The following NR3C2 variants were observed in gnomAD, a reference collection of about 807,000 sequenced individuals.
NR3C2 encodes mineralocorticoid receptor.
In NR3C2, 15 loss-of-function variants were observed where a neutral mutation model predicts 86.4. The observed-to-expected ratio is 0.17, with a 90% confidence interval of 0.12 to 0.27. The LOEUF (loss-of-function observed/expected upper bound fraction) is 0.27. Among genes scored for constraint, NR3C2 ranks in the 10% least tolerant of loss-of-function variants. The pLI is 1.00. For missense variants in NR3C2, 960 were observed against 1,195.6 expected, an observed-to-expected ratio of 0.80 and a Z score of 2.91; for synonymous variants, 458 against 450.5, an observed-to-expected ratio of 1.02 and a Z score of -0.21.
At chr4:148,268,510 C>T (rs941193599) in intron 2 of NR3C2, among the ~76,000 whole-genome samples, 4 of 152,064 alleles carry the variant, frequency 2.6e-5, no homozygotes, top group Non-Finnish European at 5.9e-5. Flanking sequence ...TGAGAAAGTT[C>T]GAGGAGATAA....
intron 2 of NR3C2, among the ~76,000 whole-genome samples, chr4:148,328,747 G>T (rs1169927587): frequency 1.3e-5 from 2 of 152,152 alleles, no homozygotes; most frequent in Non-Finnish European, 2.9e-5. Context: ...ATTAATAACA[G>T]GTTAAGTACC....
At chr4:148,384,008 C>T (rs1747138373) in intron 2 of NR3C2, among the ~76,000 whole-genome samples, 2 of 147,892 alleles carry the variant, frequency 1.4e-5, no homozygotes, top group South Asian at 4.3e-4. Flanking sequence ...TAAGGAACTA[C>T]ACATTTAGTA....
chr4:148,140,018 G>A (rs980303877), intron 6 of NR3C2, among the ~76,000 whole-genome samples: 11 of 152,204 alleles, frequency 7.2e-5, no homozygotes, highest in African/African-American at 2.4e-4. Flanking sequence ...ATTCAAGTGT[G>A]TTTCCCTTCT....
chr4:148,129,258 G>A (rs1206459027), intron 6 of NR3C2, among the ~76,000 whole-genome samples: 2 of 152,146 alleles, frequency 1.3e-5, no homozygotes, highest in African/African-American at 4.8e-5. Context: ...AATGGAATAC[G>A]CCTGTCAGAA....
intron 8 of NR3C2, among the ~76,000 whole-genome samples, chr4:148,098,643 G>A (rs1352537210): frequency 6.6e-6 from 1 of 152,180 alleles, no homozygotes; most frequent in Non-Finnish European, 1.5e-5. Flanking sequence ...AAAGTGCCCT[G>A]AGCATTGATT....
intron 8 of NR3C2, among the ~76,000 whole-genome samples, chr4:148,111,086 T>C (rs755011570): frequency 1.3e-5 from 2 of 152,256 alleles, no homozygotes; most frequent in Non-Finnish European, 2.9e-5. Context: ...TACAGTCATA[T>C]ATCTGGATTT....
chr4:148,270,929 C>A (rs1161021966), intron 2 of NR3C2, among the ~76,000 whole-genome samples: 1 of 152,104 alleles, frequency 6.6e-6, no homozygotes, highest in Non-Finnish European at 1.5e-5. Flanking sequence ...TCAGGAATTC[C>A]TTATGGTTCA....
chr4:148,406,917 C>T (rs773401161), intron 2 of NR3C2, among the ~76,000 whole-genome samples: 3 of 152,052 alleles, frequency 2.0e-5, no homozygotes, highest in Admixed American at 6.6e-5. Context: ...ATTTAAGCTG[C>T]GTAATTATTG....
At chr4:148,134,643 C>CTTTTTT (rs1175816621) in intron 6 of NR3C2, among the ~76,000 whole-genome samples, 13 of 40,780 alleles carry the variant, frequency 3.2e-4, no homozygotes, top group African/African-American at 9.4e-4. Context: ...CTCTCTCTCT[C>CTTTTTT]TTTTTTTTTT....
chr4:148,435,151 T>A lies in NR3C2; in HGVS notation c.1710A>T (p.Arg570Ser), dbSNP rs1350682715. ...WKSHGDLSSR[R>S]SDGYPVLEYI... ...ATTCTAAGACCGGATACCCATCACT[T>A]CTTCTAGACGACAGGTCGCCGTGTG... is the stretch of plus-strand genomic sequence containing the variant. The change falls in exon 2 of 9, where the codon AGA becomes AGT. Residue 570 changes from arginine (R) to serine (S), a missense_variant. Around this residue, in one of 4 missense-constraint regions of NR3C2, gnomAD observed 680 missense variants for 719.0 expected, o/e 0.95. Coordinates refer to ENST00000358102, the MANE Select transcript of NR3C2 (RefSeq NM_000901.5). 5 of 1,614,172 alleles carry A rather than the reference T, an allele frequency of 3.1e-6. No individual in the cohort carries two copies. The Admixed American group carries it at 5.0e-5, about 16-fold the overall frequency.
upstream of NR3C2, chr4:148,444,431 C>G (rs1396588920): frequency 8.1e-6 from 8 of 986,406 alleles, no homozygotes; most frequent in Admixed American, 1.8e-4. Flanking sequence ...CGCCCTCTGC[C>G]CTGGGCGCGC....
At chr4:148,385,244 C>G (rs1747203377) in intron 2 of NR3C2, among the ~76,000 whole-genome samples, 2 of 152,176 alleles carry the variant, frequency 1.3e-5, no homozygotes, top group Admixed American at 1.3e-4. Flanking sequence ...TAGGAAGAAA[C>G]TCTATGCATC....
At chr4:148,314,166 T>C (rs1444022459) in intron 2 of NR3C2, among the ~76,000 whole-genome samples, 1 of 152,092 alleles carries the variant, frequency 6.6e-6, no homozygotes. Context: ...TCAAAAGCTA[T>C]ATGATCGCAT....
At chr4:148,104,519 T>C (rs1341339340) in intron 8 of NR3C2, among the ~76,000 whole-genome samples, 2 of 152,180 alleles carry the variant, frequency 1.3e-5, no homozygotes, top group Non-Finnish European at 2.9e-5. Flanking sequence ...CTAACAATTA[T>C]AATAAATAGT....
chr4:148,278,273 T>G (rs1741059240), intron 2 of NR3C2, among the ~76,000 whole-genome samples: 1 of 152,086 alleles, frequency 6.6e-6, no homozygotes, highest in Non-Finnish European at 1.5e-5. Flanking sequence ...CTAATTTTTA[T>G]ATTTTTAGTA....
intron 3 of NR3C2, among the ~76,000 whole-genome samples, chr4:148,204,955 G>C (rs987471508): frequency 6.6e-6 from 1 of 152,180 alleles, no homozygotes; most frequent in Non-Finnish European, 1.5e-5. Flanking sequence ...GGTTCTCAGT[G>C]ATCAGATTTT....
chr4:148,330,288 G>A (rs1744166136), intron 2 of NR3C2, among the ~76,000 whole-genome samples: 1 of 152,144 alleles, frequency 6.6e-6, no homozygotes, highest in South Asian at 2.1e-4. Flanking sequence ...ACAAGTTGAG[G>A]TTTCACAATT....
chr4:148,232,072 T>C (rs1738491500), intron 3 of NR3C2, among the ~76,000 whole-genome samples: 1 of 152,206 alleles, frequency 6.6e-6, no homozygotes, highest in South Asian at 2.1e-4. Context: ...CCATGATGGA[T>C]GGAAAGTTGG....
intron 2 of NR3C2, among the ~76,000 whole-genome samples, chr4:148,307,748 T>C (rs1015575167): frequency 6.6e-6 from 1 of 151,810 alleles, no homozygotes; most frequent in Non-Finnish European, 1.5e-5. Flanking sequence ...AACAAGTAGG[T>C]CTTTTAAGGA....
Sources: allele counts gnomAD v4.1 joint callset (sites outside exome capture counted in the v4.1 genomes callset), GRCh38; gene constraint gnomAD v4.1.1; regional missense constraint gnomAD v4.1.1; transcripts MANE v1.5; gene names NCBI Gene and HGNC (gene_info 2026-07-23, HGNC 2026-07-21).